RANBP2: variants seen among roughly 807,000 people sequenced by gnomAD.
RANBP2 encodes the protein RAN binding protein 2, also known as E3 SUMO-protein ligase RanBP2.
A neutral mutation model predicts 303.6 loss-of-function variants in RANBP2; 57 were observed. The observed-to-expected ratio is 0.19, with a 90% CI of 0.15 to 0.23. The LOEUF (loss-of-function observed/expected upper bound fraction) is 0.23, where lower values mean the gene tolerates loss of function less well. Ranked by LOEUF, RANBP2 falls within the 10% of genes least tolerant of loss-of-function variation. The pLI, the probability that RANBP2 is intolerant of heterozygous loss-of-function variation, is 1.00. For missense variants in RANBP2, 3,138 were observed against 3,780.8 expected (o/e 0.83, Z 4.46); for synonymous variants, 1,167 against 1,301.5 (o/e 0.90, Z 2.23).
the RANBP2 span, among the ~76,000 whole-genome samples, chr2:109,424,137 G>C: frequency 6.6e-6 from 1 of 152,200 alleles, no homozygotes; most frequent in Non-Finnish European, 1.5e-5. Context: ...TGTGGGGAGT[G>C]CTCTCAGGAC....
the RANBP2 span, among the ~76,000 whole-genome samples, chr2:108,880,345 A>G: frequency 1.3e-5 from 2 of 152,336 alleles, no homozygotes; most frequent in Non-Finnish European, 2.9e-5. Context: ...TGTTCTTCCC[A>G]ACTTGATCTA....
the RANBP2 span, chr2:109,615,565 T>A: frequency 6.2e-7 from 1 of 1,614,006 alleles, no homozygotes; most frequent in South Asian, 1.1e-5. Flanking sequence ...GTGGTGAAGC[T>A]GCTGGTGGGG....
chr2:109,208,641 A>G, the RANBP2 span, among the ~76,000 whole-genome samples: 1 of 152,166 alleles, frequency 6.6e-6, no homozygotes, highest in African/African-American at 2.4e-5. Flanking sequence ...GTTTTAATAC[A>G]CTAAGTTTGG....
rs746302358 is a variant in RANBP2 at position 108,782,616 on chromosome 2, G to C, written c.9123G>C (p.Gln3041His). The change falls in exon 28 of 29, where the codon CAG becomes CAC. Residue 3041 changes from glutamine (Q) to histidine (H), a missense_variant. Gln to His is a conservative substitution (Grantham distance 24, BLOSUM62 0). Around this residue, in one of 20 missense-constraint regions of RANBP2, gnomAD observed 204 missense variants for 228.4 expected, o/e 0.89. Coordinates refer to ENST00000283195, the MANE Select transcript of RANBP2 (RefSeq NM_006267.5). ...TCAAGAAAACATTTGAAGAATGTCA[G>C]CAGAATTTAATGAAACTCCAGAAAG... ...DCFKKTFEEC[Q>H]QNLMKLQKGH... 3.1e-6 allele frequency: 5 copies of C among 1,614,198 alleles called. No homozygotes were observed. The highest frequency in any genetic ancestry group is 4.2e-6 in the Non-Finnish European group (5 of 1,180,042).
At chr2:109,463,621 T>C in the RANBP2 span, among the ~76,000 whole-genome samples, 1 of 152,224 alleles carries the variant, frequency 6.6e-6, no homozygotes, top group South Asian at 2.1e-4. Context: ...ACAGGGACTC[T>C]GGAAGCAATG....
the RANBP2 span, among the ~76,000 whole-genome samples, chr2:109,261,412 A>C: frequency 3.3e-5 from 5 of 152,210 alleles, no homozygotes; most frequent in Admixed American, 6.5e-5. Context: ...GAGCAGTAAA[A>C]TGTGCAGTCT....
chr2:109,318,617 C>CA, the RANBP2 span, among the ~76,000 whole-genome samples: 4 of 152,226 alleles, frequency 2.6e-5, no homozygotes, highest in Non-Finnish European at 4.4e-5. Context: ...CTCATGCTCA[C>CA]ACTGGGGGCA....
the RANBP2 span, chr2:109,760,362 G>GGCC: frequency 5.4e-6 from 1 of 184,782 alleles, no homozygotes; most frequent in African/African-American, 2.5e-5. Flanking sequence ...CGGCGGCGGC[G>GGCC]CAGGGCCGGG....
the RANBP2 span, among the ~76,000 whole-genome samples, chr2:108,924,138 A>G: frequency 6.6e-6 from 1 of 152,230 alleles, no homozygotes; most frequent in Non-Finnish European, 1.5e-5. Flanking sequence ...CAAGGGACAA[A>G]TCATTCACAG....
At chr2:108,731,587 T>C (rs1401705788) in intron 4 of RANBP2, 113 bp downstream of exon 4, 1 of 1,565,364 alleles carries the variant, frequency 6.4e-7, no homozygotes, top group Non-Finnish European at 8.6e-7. Flanking sequence ...GTGTTTCCTT[T>C]AAAAATTTTC....
chr2:108,934,288 T>C, the RANBP2 span, among the ~76,000 whole-genome samples: 1 of 152,180 alleles, frequency 6.6e-6, no homozygotes, highest in Non-Finnish European at 1.5e-5. Flanking sequence ...ATCCCACTTC[T>C]CAGACTGCAG....
the RANBP2 span, among the ~76,000 whole-genome samples, chr2:109,433,954 G>A: frequency 3.3e-5 from 5 of 152,218 alleles, no homozygotes; most frequent in Admixed American, 6.5e-5. Context: ...AGCCTCCTGC[G>A]GCTTCTTCAG....
chr2:109,240,979 C>T, the RANBP2 span, among the ~76,000 whole-genome samples: 1 of 152,076 alleles, frequency 6.6e-6, no homozygotes, highest in Non-Finnish European at 1.5e-5. Flanking sequence ...AACAAGTCCA[C>T]ATCTCCCCAA....
the RANBP2 span, among the ~76,000 whole-genome samples, chr2:108,958,735 A>T: frequency 0.012 from 1,795 of 152,256 alleles, 29 homozygotes; most frequent in African/African-American, 0.04. Context: ...GGCCCAGGAG[A>T]CCTAAAGCTC....
At chr2:109,508,614 G>T in the RANBP2 span, among the ~76,000 whole-genome samples, 1 of 151,826 alleles carries the variant, frequency 6.6e-6, no homozygotes, top group Non-Finnish European at 1.5e-5. Context: ...AAAAAGTAAC[G>T]TTCTGTAATG....
chr2:109,305,047 T>C, the RANBP2 span, among the ~76,000 whole-genome samples: 1 of 152,234 alleles, frequency 6.6e-6, no homozygotes, highest in Non-Finnish European at 1.5e-5. Context: ...CCTGGGTTTG[T>C]TGCGGTTCCC....
chr2:108,912,464 C>T, the RANBP2 span, among the ~76,000 whole-genome samples: 7 of 152,182 alleles, frequency 4.6e-5, no homozygotes, highest in Non-Finnish European at 8.8e-5. Flanking sequence ...CACCTCCCAG[C>T]GGTCCCAGGA....
chr2:108,955,633 G>A, the RANBP2 span, among the ~76,000 whole-genome samples: 2 of 151,132 alleles, frequency 1.3e-5, no homozygotes, highest in Non-Finnish European at 3.0e-5. Context: ...TTGAGCCCAG[G>A]AGGCGGAGGT....
At chr2:108,996,110 C>T in the RANBP2 span, among the ~76,000 whole-genome samples, 1 of 152,058 alleles carries the variant, frequency 6.6e-6, no homozygotes, top group African/African-American at 2.4e-5. Flanking sequence ...AATGATTCCC[C>T]AAGGAAATGA....
Sources: gnomAD v4.1 joint callset for allele counts (sites outside exome capture counted in the v4.1 genomes callset) on GRCh38, gnomAD v4.1.1 for gene constraint, gnomAD v4.1.1 regional missense constraint, MANE v1.5 for transcripts, NCBI Gene and HGNC (gene_info 2026-07-23, HGNC 2026-07-21) for gene names.